RNF14: variants seen among roughly 807,000 people sequenced by gnomAD.
The protein encoded by RNF14 is E3 ubiquitin-protein ligase RNF14.
Under a neutral mutation model 52.6 loss-of-function variants are expected in RNF14, and 26 were observed. The ratio of observed to expected loss-of-function variants is 0.49; its 90% CI spans 0.36 to 0.69. The LOEUF (loss-of-function observed/expected upper bound fraction) is 0.69, where lower values mean the gene tolerates loss of function less well. RNF14 is among the 30% of genes least tolerant of loss of function. The pLI is 0.00. For missense variants in RNF14, 404 were observed against 560.4 expected (o/e 0.72, Z 2.82); for synonymous variants, 194 against 202.0 (o/e 0.96, Z 0.34).
At chr5:141,962,109 G>T (rs1013590333), upstream of RNF14, among the ~76,000 whole-genome samples, 5 of 152,210 alleles carry the variant, frequency 3.3e-5, no homozygotes, top group African/African-American at 1.2e-4. Context: ...AGTCAGACCA[G>T]GAATCTTGAC....
At chr5:141,982,989 T>G (rs535213441) in intron 6 of RNF14, among the ~76,000 whole-genome samples, 8 of 152,346 alleles carry the variant, frequency 5.3e-5, no homozygotes, top group African/African-American at 1.7e-4. Flanking sequence ...ATTCTACCAC[T>G]TTTAGCAGAT....
upstream of RNF14, among the ~76,000 whole-genome samples, chr5:141,963,803 G>C (rs1159842890): frequency 3.3e-5 from 5 of 152,072 alleles, no homozygotes; most frequent in Non-Finnish European, 5.9e-5. Context: ...CTTCAGAAAG[G>C]CTCTTGCAGG....
chr5:141,970,642 G>T (rs2126967651), intron 1 of RNF14, 62 bp from the exon 2 acceptor site: 1 of 152,458 alleles, frequency 6.6e-6, no homozygotes, highest in Non-Finnish European at 1.5e-5. Flanking sequence ...AGTGATCATG[G>T]AAATTCAGAA....
intron 5 of RNF14, 95 bp from the exon 6 acceptor site, chr5:141,980,028 G>GC: frequency 1.1e-6 from 1 of 907,182 alleles, no homozygotes; most frequent in Non-Finnish European, 1.8e-6. Context: ...TAATTTATGT[G>GC]CCCATCTGGT....
chr5:141,972,858 T>C (rs914394927), intron 2 of RNF14, among the ~76,000 whole-genome samples: 1 of 152,172 alleles, frequency 6.6e-6, no homozygotes, highest in Non-Finnish European at 1.5e-5. Flanking sequence ...ACCAAAGTGT[T>C]GGGATTACAG....
the RNF14 span, among the ~76,000 whole-genome samples, chr5:141,951,004 A>G: frequency 6.6e-6 from 1 of 152,218 alleles, no homozygotes; most frequent in Admixed American, 6.5e-5. Flanking sequence ...CAAGCTACTC[A>G]GAGCCTCAGT....
intron 3 of RNF14, among the ~76,000 whole-genome samples, chr5:141,974,372 G>C (rs924997066): frequency 6.6e-6 from 1 of 152,224 alleles, no homozygotes; most frequent in African/African-American, 2.4e-5. Flanking sequence ...TTTCCCAACT[G>C]ATTCATGGGT....
chr5:141,971,796 T>C (rs1217254831), intron 2 of RNF14, among the ~76,000 whole-genome samples: 1 of 151,742 alleles, frequency 6.6e-6, no homozygotes, highest in Non-Finnish European at 1.5e-5. Context: ...TACATGCGTG[T>C]ACCACAATGC....
chr5:141,965,549 T>G (rs2126942952), upstream of RNF14, among the ~76,000 whole-genome samples: 1 of 152,300 alleles, frequency 6.6e-6, no homozygotes, highest in South Asian at 2.1e-4. Flanking sequence ...GCCAGAACTA[T>G]TTTACTCTCT....
Position 141,987,761 on chromosome 5 carries a change from G to A in RNF14, c.1396G>A (p.Asp466Asn), listed in dbSNP as rs769930159. Residue 466 changes from aspartate (D) to asparagine (N), a missense_variant, in exon 9 of 9, where the codon GAT (aspartate) becomes AAT (asparagine). By Grantham distance (23) the Asp-to-Asn change is conservative. Transcript: ENST00000394520. ...GTTTTATGCTGTGGATGTTGACGACGATATTTGGGAAGATGAGGTAGAAGA... is the reference window on the plus strand; with the variant it reads ...GTTTTATGCTGTGGATGTTGACGACAATATTTGGGAAGATGAGGTAGAAGA... ...RLFYAVDVDD[D>N]IWEDEVED 7 of 1,613,730 alleles carry A rather than the reference G, an allele frequency of 4.3e-6. No homozygotes were observed. Among genetic ancestry groups the A allele is most frequent in the East Asian group, 2.2e-5 (1 of 44,874 alleles).
At chr5:141,986,515 CTTA>C (rs1755248281) in intron 8 of RNF14, among the ~76,000 whole-genome samples, 6 of 152,204 alleles carry the variant, frequency 3.9e-5, no homozygotes, top group Admixed American at 3.9e-4. Flanking sequence ...CCAGTCTTGC[CTTA>C]TTCCATGTAT....
intron 8 of RNF14, among the ~76,000 whole-genome samples, chr5:141,987,184 G>T (rs182298210): frequency 2.0e-3 from 309 of 152,298 alleles, no homozygotes; most frequent in Non-Finnish European, 3.9e-3. Flanking sequence ...AGTGAGGGAG[G>T]GGGGTATGAC....
chr5:141,985,075 AT>A, intron 8 of RNF14, 142 bp downstream of exon 8: 1 of 756,734 alleles, frequency 1.3e-6, no homozygotes, highest in Middle Eastern at 2.5e-4. Context: ...GAATTTTCAT[AT>A]TATTTTCTCA....
upstream of RNF14, among the ~76,000 whole-genome samples, chr5:141,968,504 T>G (rs1311030714): frequency 1.3e-5 from 2 of 152,256 alleles, no homozygotes; most frequent in Admixed American, 6.5e-5. Context: ...ATAATTTTAA[T>G]TCCTGCTTAG....
upstream of RNF14, chr5:141,955,089 G>A (rs964316740): frequency 1.9e-6 from 3 of 1,614,102 alleles, no homozygotes; most frequent in Admixed American, 5.0e-5. The surrounding 1 kb of genome is among the most constrained non-coding windows in gnomAD (Gnocchi z 5.5). Context: ...CTTTCTCAGG[G>A]GACACTTTGC....
chr5:141,957,638 G>A (rs1376047096), upstream of RNF14: 4 of 1,614,184 alleles, frequency 2.5e-6, no homozygotes, highest in Non-Finnish European at 2.5e-6. This position sits in a 1 kb window ranked among gnomAD's most constrained non-coding sequence, Gnocchi z 4.3. Context: ...AGCGCCTGAG[G>A]CAGCTGCAAC....
chr5:141,963,174 G>T (rs532625278), upstream of RNF14: 26 of 152,272 alleles, frequency 1.7e-4, no homozygotes, highest in African/African-American at 6.0e-4. Flanking sequence ...TAACTCCCAG[G>T]TGCAGGCATG....
intron 1 of RNF14, among the ~76,000 whole-genome samples, chr5:141,970,031 AATCTCATTCTT>A (rs1360378577): frequency 2.0e-5 from 3 of 152,220 alleles, no homozygotes; most frequent in African/African-American, 7.2e-5. Flanking sequence ...ATTGATTCTG[AATCTCATTCTT>A]ATCTCATTTG....
At chr5:141,957,957 C>T, upstream of RNF14, 1 of 1,306,774 alleles carries the variant, frequency 7.7e-7, no homozygotes. This position sits in a 1 kb window ranked among gnomAD's most constrained non-coding sequence, Gnocchi z 4.3. Context: ...TGCTCCTTCC[C>T]CCAGAGCTGC....
Sources: allele counts gnomAD v4.1 joint callset (sites outside exome capture counted in the v4.1 genomes callset), GRCh38; gene constraint gnomAD v4.1.1; non-coding constraint Gnocchi (gnomAD v3.1); transcripts MANE v1.5; gene names NCBI Gene and HGNC (gene_info 2026-07-23, HGNC 2026-07-21).